SLC9A2: variants seen among roughly 807,000 people sequenced by gnomAD.
SLC9A2 encodes solute carrier family 9 member A2.
SLC9A2 carries 42 observed loss-of-function variants against 71.7 expected under a neutral mutation model. The ratio of observed to expected loss-of-function variants is 0.59; its 90% CI spans 0.46 to 0.76. The LOEUF (loss-of-function observed/expected upper bound fraction) is 0.76, where lower values mean the gene tolerates loss of function less well. Ranked by LOEUF, SLC9A2 falls within the 30% of genes least tolerant of loss-of-function variation. The pLI is 0.00. For missense variants in SLC9A2, 829 were observed against 1,017.4 expected (o/e 0.81, Z 2.52); for synonymous variants, 396 against 392.5 (o/e 1.01, Z -0.10).
intron 3 of SLC9A2, among the ~76,000 whole-genome samples, chr2:102,674,445 T>C (rs1227012569): frequency 6.6e-6 from 1 of 152,204 alleles, no homozygotes; most frequent in Non-Finnish European, 1.5e-5. Context: ...CTCTTGATGC[T>C]GTAGCATTTC....
At position 102,683,563 on chromosome 2, in the gene SLC9A2, T is replaced by C. The variant is rs17027747; in HGVS notation, c.1222+85T>C. ...TCCTTTTGTCATTCCCTTTCTGCTG[T>C]TGTGGATTCTTTTATGTCTGCTTAA... On this transcript the variant is annotated intron_variant, in intron 4 of 11. Coordinates refer to ENST00000233969, the MANE Select transcript of SLC9A2 (RefSeq NM_003048.6). 5,657 of 1,033,610 alleles carry C rather than the reference T, an allele frequency of 5.5e-3. 189 individuals carry two copies. The African/African-American group carries it at 0.076, about 14-fold the overall frequency. 64.0% of individuals were successfully genotyped at this position (1,033,610 alleles called of 1,614,324 possible).
At chr2:102,622,998 G>A (rs116431595) in intron 1 of SLC9A2, among the ~76,000 whole-genome samples, 135 of 152,272 alleles carry the variant, frequency 8.9e-4, no homozygotes, top group African/African-American at 2.8e-3. Context: ...TCATTATGTG[G>A]TATTTTGTTA....
intron 5 of SLC9A2, among the ~76,000 whole-genome samples, chr2:102,685,642 T>G (rs1677533824): frequency 6.7e-6 from 1 of 150,310 alleles, no homozygotes; most frequent in African/African-American, 2.5e-5. Flanking sequence ...GAAAGAGGCA[T>G]CACTCATGAC....
At chr2:102,637,067 G>T (rs779854636) in intron 1 of SLC9A2, among the ~76,000 whole-genome samples, 2 of 152,176 alleles carry the variant, frequency 1.3e-5, no homozygotes, top group Non-Finnish European at 2.9e-5. Context: ...AGATGAAAAA[G>T]TTAAAGATGG....
chr2:102,632,165 C>T (rs1478772396), intron 1 of SLC9A2, among the ~76,000 whole-genome samples: 38 of 67,420 alleles, frequency 5.6e-4, no homozygotes, highest in Non-Finnish European at 7.7e-4. Flanking sequence ...CACATATATA[C>T]ACATATATAT....
intron 2 of SLC9A2, among the ~76,000 whole-genome samples, chr2:102,664,616 A>G (rs113791764): frequency 0.024 from 3,583 of 152,070 alleles, 81 homozygotes; most frequent in Non-Finnish European, 0.032. Context: ...TGACTGACTC[A>G]TCTTGGGTAC....
chr2:102,661,296 C>T (rs1345077356), intron 2 of SLC9A2, among the ~76,000 whole-genome samples: 3 of 152,106 alleles, frequency 2.0e-5, no homozygotes, highest in South Asian at 2.1e-4. Context: ...TGCTCATAAC[C>T]GGGCTTGGTT....
chr2:102,635,050 C>T (rs1200092486), intron 1 of SLC9A2, among the ~76,000 whole-genome samples: 1 of 152,140 alleles, frequency 6.6e-6, no homozygotes, highest in Non-Finnish European at 1.5e-5. Flanking sequence ...GCTTTTTGTA[C>T]AAATAGTGTT....
intron 1 of SLC9A2, among the ~76,000 whole-genome samples, chr2:102,652,572 C>T (rs943211586): frequency 1.3e-5 from 2 of 152,174 alleles, no homozygotes; most frequent in African/African-American, 4.8e-5. Context: ...CCCCACTTCT[C>T]ATCTCCTTTT....
chr2:102,697,940 A>G (rs980086910), intron 7 of SLC9A2, among the ~76,000 whole-genome samples: 7 of 151,918 alleles, frequency 4.6e-5, no homozygotes, highest in African/African-American at 1.7e-4. Context: ...CACTCTTGGC[A>G]CAAGCAGTCT....
intron 5 of SLC9A2, among the ~76,000 whole-genome samples, chr2:102,690,946 C>T (rs1450973777): frequency 3.4e-5 from 3 of 87,082 alleles, no homozygotes; most frequent in African/African-American, 8.0e-5. Context: ...AAAAGCAACA[C>T]AAAACAAGAA....
chr2:102,686,147 A>C (rs967841977), intron 5 of SLC9A2, among the ~76,000 whole-genome samples: 1 of 152,240 alleles, frequency 6.6e-6, no homozygotes, highest in African/African-American at 2.4e-5. Flanking sequence ...AGCATCTTAC[A>C]TGTTAATTCA....
chr2:102,682,575 G>A (rs925905110), intron 3 of SLC9A2, among the ~76,000 whole-genome samples: 2 of 152,144 alleles, frequency 1.3e-5, no homozygotes, highest in African/African-American at 4.8e-5. Flanking sequence ...CCAAAGTTTT[G>A]GAAATACTTG....
chr2:102,704,433 C>T, intron 9 of SLC9A2, 111 bp from the exon 10 acceptor site: 3 of 947,462 alleles, frequency 3.2e-6, no homozygotes, highest in East Asian at 2.7e-5. Flanking sequence ...GTTATAAGTG[C>T]TTAGCTGAGG....
intron 5 of SLC9A2, among the ~76,000 whole-genome samples, chr2:102,693,601 C>T (rs952674657): frequency 6.6e-6 from 1 of 152,174 alleles, no homozygotes; most frequent in East Asian, 1.9e-4. Context: ...CCTCTCACTG[C>T]GGTGCTTTGC....
At position 102,683,287 on chromosome 2, in the gene SLC9A2, A is replaced by AT; in HGVS notation, c.1032dup (p.Lys345Ter). On this transcript the variant is annotated frameshift_variant, in exon 4 of 12. Coordinates refer to ENST00000233969, the MANE Select transcript of SLC9A2 (RefSeq NM_003048.6). LOFTEE classifies it high-confidence loss of function. ...ATCACTGCTTGTGCAATGACTATGA[A>AT]TAAGTACGTAGAAGAAAATGTATCT... 1 of 1,613,564 alleles carries AT rather than the reference A, an allele frequency of 6.2e-7. No individual in the cohort carries two copies. Among genetic ancestry groups the AT allele is most frequent in the Non-Finnish European group, 8.5e-7 (1 of 1,179,474 alleles).
rs1318985299 is a variant in SLC9A2, at chr2:102,711,170, C to T, written c.*2681C>T. 3.3e-5 allele frequency: 5 copies of T among 152,274 alleles called. No individual in the cohort carries two copies. The highest frequency in any genetic ancestry group is 1.3e-4 in the Admixed American group (2 of 15,278). 9.4% of individuals were successfully genotyped at this position (152,274 alleles called of 1,614,324 possible). A position where few individuals can be genotyped will look rare whatever the true frequency, so the allele number is the denominator to read the frequency against. On this transcript the variant is annotated 3_prime_UTR_variant, in exon 12 of 12. Transcript: ENST00000233969. ...ATAAAAACTGTAGACAAACACAGTA[C>T]GAGTCTCAGCACGTTTTGCATTTAT...
chr2:102,651,264 G>A (rs1034872179), intron 1 of SLC9A2, among the ~76,000 whole-genome samples: 1 of 152,106 alleles, frequency 6.6e-6, no homozygotes, highest in Non-Finnish European at 1.5e-5. Context: ...TTCAACGGTG[G>A]GGACCTGGTC....
intron 3 of SLC9A2, among the ~76,000 whole-genome samples, chr2:102,678,970 T>G (rs958052848): frequency 1.3e-5 from 2 of 152,194 alleles, no homozygotes; most frequent in African/African-American, 4.8e-5. Flanking sequence ...GTGGTTTGAC[T>G]TCAGGTCAGA....
Sources: gnomAD v4.1 joint callset for allele counts (sites outside exome capture counted in the v4.1 genomes callset) on GRCh38, gnomAD v4.1.1 for gene constraint, MANE v1.5 for transcripts, NCBI Gene and HGNC (gene_info 2026-07-23, HGNC 2026-07-21) for gene names.